Variants in UGT2B7 observed in about 807,000 individuals in gnomAD.
UGT2B7 encodes UDP-glucuronosyltransferase 2B7.
Under a neutral mutation model 51.9 loss-of-function variants are expected in UGT2B7, and 51 were observed. The observed-to-expected ratio is 0.98, with a 90% CI of 0.78 to 1.24. UGT2B7 has a LOEUF of 1.24. UGT2B7 is among the 50% of genes most tolerant of loss of function. UGT2B7 has a pLI of 0.00. For synonymous variants in UGT2B7, 225 were observed against 211.6 expected, an observed-to-expected ratio of 1.06 and a Z score of -0.55; for missense variants, 727 against 628.4, an observed-to-expected ratio of 1.16 and a Z score of -1.68.
At chr4:69,053,758 G>A (rs1718104912) in intron 1 of UGT2B7, among the ~76,000 whole-genome samples, 1 of 152,104 alleles carries the variant, frequency 6.6e-6, no homozygotes, top group Non-Finnish European at 1.5e-5. Flanking sequence ...TTTTCGAAAG[G>A]TTATCAATCA....
Position 69,112,553 on chromosome 4 carries a change from C to T in UGT2B7, c.1407C>T (p.Arg469=). The change falls in exon 6 of 6, where the codon CGC becomes CGT. Residue 469 remains arginine (R), a synonymous_variant. Coordinates refer to ENST00000305231, the MANE Select transcript of UGT2B7 (RefSeq NM_001074.4). ...TCTTCTGGATTGAATTTGTCATGCG[C>T]CACAAAGGAGCTAAACACCTTCGGG... ...RAVFWIEFVM[R]HKGAKHLRVA... is the part of the protein sequence containing the mutation. The T allele has an allele frequency of 6.2e-7, 1 of 1,613,930 alleles. No homozygotes were observed. The highest frequency in any genetic ancestry group is 8.5e-7 in the Non-Finnish European group (1 of 1,179,860).
chr4:69,075,937 T>C (rs6600869), intron 1 of UGT2B7, among the ~76,000 whole-genome samples: 9 of 150,864 alleles, frequency 6.0e-5, no homozygotes, highest in African/African-American at 1.7e-4. Flanking sequence ...CTAGCCCCCC[T>C]CCCCATAACA....
At chr4:69,079,316 C>A (rs1718784447) in intron 1 of UGT2B7, among the ~76,000 whole-genome samples, 1 of 152,110 alleles carries the variant, frequency 6.6e-6, no homozygotes, top group Non-Finnish European at 1.5e-5. Flanking sequence ...TTAATTAAAG[C>A]ACATTGAGAA....
intron 1 of UGT2B7, among the ~76,000 whole-genome samples, chr4:69,080,934 G>T (rs11249526): frequency 0.58 from 87,613 of 151,850 alleles, 26,270 homozygotes; most frequent in African/African-American, 0.71. Context: ...TGTAAATTGT[G>T]CATTAAATGT....
chr4:69,088,244 T>G (rs1286086640), intron 1 of UGT2B7, among the ~76,000 whole-genome samples: 2 of 152,116 alleles, frequency 1.3e-5, no homozygotes, highest in African/African-American at 4.8e-5. Flanking sequence ...GTTTTTCAAT[T>G]CACTTCACAT....
At chr4:69,087,517 G>T (rs1434645566) in intron 1 of UGT2B7, among the ~76,000 whole-genome samples, 2 of 151,772 alleles carry the variant, frequency 1.3e-5, no homozygotes, top group Admixed American at 1.3e-4. Context: ...TTTATAATTG[G>T]TTTTACTACT....
At chr4:69,104,518 A>T (rs1719533213) in intron 3 of UGT2B7, among the ~76,000 whole-genome samples, 1 of 152,198 alleles carries the variant, frequency 6.6e-6, no homozygotes, top group South Asian at 2.1e-4. Flanking sequence ...AGCTGATGGG[A>T]AAGCAATAAT....
chr4:69,077,751 C>T (rs1718747795), intron 1 of UGT2B7, among the ~76,000 whole-genome samples: 1 of 152,066 alleles, frequency 6.6e-6, no homozygotes, highest in Admixed American at 6.6e-5. Flanking sequence ...TCCTCTTTTC[C>T]TATTTGAATA....
chr4:69,053,892 G>A (rs1335560882), intron 1 of UGT2B7, among the ~76,000 whole-genome samples: 3 of 151,950 alleles, frequency 2.0e-5, no homozygotes, highest in Non-Finnish European at 4.4e-5. Flanking sequence ...CTTTCATCCT[G>A]GCATTTCATC....
intron 1 of UGT2B7, among the ~76,000 whole-genome samples, chr4:69,063,542 T>A (rs983214000): frequency 6.6e-6 from 1 of 152,042 alleles, no homozygotes; most frequent in African/African-American, 2.4e-5. Context: ...TCACCATCTA[T>A]TAGAATAGAC....
At chr4:69,086,017 T>A (rs1467750001) in intron 1 of UGT2B7, among the ~76,000 whole-genome samples, 1 of 151,708 alleles carries the variant, frequency 6.6e-6, no homozygotes, top group South Asian at 2.1e-4. Flanking sequence ...TTCTCTATAA[T>A]CTTTATTATA....
rs185163029 is a variant in UGT2B7, at chr4:69,112,302, G to C, written c.1311-155G>C. 4.0e-3 allele frequency among the ~76,000 whole-genome samples: 611 copies of C among 152,236 alleles called. 2 individuals carry two copies. The highest frequency in any genetic ancestry group is 0.014 in the African/African-American group (586 of 41,536). Reference sequence around the variant, plus strand: ...CTTAGAGTTGTGAGCCCTTAAAAGGGACAGGAATTGCTCACTCAGGGAGTT... The same window carrying C: ...CTTAGAGTTGTGAGCCCTTAAAAGGCACAGGAATTGCTCACTCAGGGAGTT... On this transcript the variant is annotated intron_variant, in intron 5 of 5. Coordinates refer to ENST00000305231, the MANE Select transcript of UGT2B7 (RefSeq NM_001074.4).
At chr4:69,078,932 C>T (rs1718776144) in intron 1 of UGT2B7, among the ~76,000 whole-genome samples, 1 of 152,110 alleles carries the variant, frequency 6.6e-6, no homozygotes, top group Admixed American at 6.5e-5. Context: ...CCTGGGATAA[C>T]AGGAGGCTGC....
upstream of UGT2B7, among the ~76,000 whole-genome samples, chr4:69,092,054 G>C (rs1719097712): frequency 6.6e-6 from 1 of 152,056 alleles, no homozygotes; most frequent in Non-Finnish European, 1.5e-5. Flanking sequence ...CCCCACCAAA[G>C]CCTCCCAAGT....
Position 69,108,107 on chromosome 4 carries a change from T to C in UGT2B7, c.1095T>C (p.His365=), listed in dbSNP as rs952673980. 15 of 1,613,472 alleles carry C rather than the reference T, an allele frequency of 9.3e-6. No homozygotes were observed. The highest frequency in any genetic ancestry group is 1.0e-5 in the Non-Finnish European group (12 of 1,179,550). The change falls in exon 5 of 6, where the codon CAT becomes CAC. Residue 365 remains histidine, a synonymous_variant. Coordinates refer to ENST00000305231, the MANE Select transcript of UGT2B7 (RefSeq NM_001074.4). ...CTAAAATTCATCCAATCCTAGGTCA[T>C]CCAAAGACCAGAGCTTTTATAACTC... ...KWIPQNDLLG[H]PKTRAFITHG...
chr4:69,062,096 C>T (rs1387036381), intron 1 of UGT2B7, among the ~76,000 whole-genome samples: 1 of 152,172 alleles, frequency 6.6e-6, no homozygotes, highest in Non-Finnish European at 1.5e-5. Flanking sequence ...ATCCAGTCTA[C>T]CAGCCTCAGT....
chr4:69,083,294 G>A (rs1222317060), intron 1 of UGT2B7, among the ~76,000 whole-genome samples: 1 of 152,062 alleles, frequency 6.6e-6, no homozygotes, highest in African/African-American at 2.4e-5. Flanking sequence ...TTACTTTCAA[G>A]TTTTATCATT....
intron 1 of UGT2B7, among the ~76,000 whole-genome samples, chr4:69,058,201 G>T (rs975495615): frequency 5.3e-5 from 8 of 152,224 alleles, no homozygotes; most frequent in African/African-American, 1.9e-4. Context: ...ACCCAGTTTT[G>T]CAAGAACCAC....
intron 1 of UGT2B7, 118 bp from the exon 2 acceptor site, chr4:69,098,422 T>G: frequency 8.4e-7 from 1 of 1,186,508 alleles, no homozygotes; most frequent in South Asian, 1.6e-5. Flanking sequence ...TGTGTATATA[T>G]TTTTCAAAGC....
Sources: gnomAD v4.1 joint callset for allele counts (sites outside exome capture counted in the v4.1 genomes callset) on GRCh38, gnomAD v4.1.1 for gene constraint, MANE v1.5 for transcripts, NCBI Gene and HGNC (gene_info 2026-07-23, HGNC 2026-07-21) for gene names.